ADAM12: variants seen among roughly 807,000 people sequenced by gnomAD.
The protein encoded by ADAM12 is ADAM metallopeptidase domain 12, also known as disintegrin and metalloproteinase domain-containing protein 12.
In ADAM12, 70 loss-of-function variants were observed where a neutral mutation model predicts 106.4. The ratio of observed to expected loss-of-function variants is 0.66; its 90% CI spans 0.54 to 0.80. The LOEUF is 0.80. Among genes scored for constraint, ADAM12 ranks in the 30% least tolerant of loss-of-function variants. The pLI is 0.00. For missense variants in ADAM12, 1,010 were observed against 1,171.9 expected, an observed-to-expected ratio of 0.86 and a Z score of 2.02; for synonymous variants, 420 against 433.5, an observed-to-expected ratio of 0.97 and a Z score of 0.39.
intron 3 of ADAM12, chr10:126,272,693 G>C (rs530107654): frequency 4.2e-4 from 66 of 156,836 alleles, no homozygotes; most frequent in Non-Finnish European, 7.4e-4. Context: ...CTTCAGGGAG[G>C]GGGTGTGATG....
Position 126,064,802 on chromosome 10 carries a change from G to T in ADAM12, c.1609+4C>A. ...CTGATGCCGAGCTTGTGGCGGCCAC[G>T]TACCTGGTCCCCAGAGCGTGACACA... On this transcript the variant is annotated splice_donor_region_variant and intron_variant, in intron 14 of 22. Transcript: ENST00000448723. The surrounding 1 kb of genome is among the most constrained non-coding windows in gnomAD (Gnocchi z 4.4). 6.3e-7 allele frequency: 1 copy of T among 1,599,114 alleles called. No individual in the cohort carries two copies.
chr10:126,326,501 C>T (rs34714550), intron 2 of ADAM12, among the ~76,000 whole-genome samples: 2 of 152,148 alleles, frequency 1.3e-5, no homozygotes, highest in African/African-American at 4.8e-5. Flanking sequence ...AACAAACTTT[C>T]CCTTCAAAGT....
chr10:126,368,380 A>G (rs1855991804), intron 1 of ADAM12, among the ~76,000 whole-genome samples: 1 of 149,092 alleles, frequency 6.7e-6, no homozygotes. Flanking sequence ...TTTTTTTACA[A>G]AGGACTGAAG....
intron 2 of ADAM12, among the ~76,000 whole-genome samples, chr10:126,308,080 T>G (rs1960927343): frequency 6.6e-6 from 1 of 152,194 alleles, no homozygotes; most frequent in Admixed American, 6.5e-5. Context: ...AGGGTTGGGC[T>G]GCACTTCTAG....
intron 11 of ADAM12, among the ~76,000 whole-genome samples, chr10:126,090,545 C>T (rs1219545484): frequency 6.6e-6 from 1 of 152,190 alleles, no homozygotes; most frequent in Non-Finnish European, 1.5e-5. Flanking sequence ...TAAACTCCCA[C>T]ATGAATCCCC....
intron 3 of ADAM12, among the ~76,000 whole-genome samples, chr10:126,266,562 C>A (rs560949049): frequency 6.6e-6 from 1 of 152,308 alleles, no homozygotes; most frequent in East Asian, 1.9e-4. Context: ...CAGTGTCAAG[C>A]ACACTGAATA....
intron 2 of ADAM12, among the ~76,000 whole-genome samples, chr10:126,309,129 C>T (rs758641054): frequency 5.3e-5 from 8 of 152,186 alleles, no homozygotes; most frequent in African/African-American, 7.2e-5. Context: ...GGCCAATCAC[C>T]GTATTCTACA....
In ADAM12 at chr10:126,021,905, A is replaced by G. The variant is rs113745153; in HGVS notation, c.2530-2080T>C. ...CCAACAAACTTTGGATAATTAACTAAGGTAACAAATCAAGCTCCCCTTCCT... is the reference window on the plus strand; with the variant it reads ...CCAACAAACTTTGGATAATTAACTAGGGTAACAAATCAAGCTCCCCTTCCT... On this transcript the variant is annotated intron_variant, in intron 21 of 22. Transcript: ENST00000448723. Among the ~76,000 whole-genome samples the G allele has an allele frequency of 3.4e-3, 519 of 152,352 alleles. 2 individuals carry two copies. Among genetic ancestry groups the G allele is most frequent in the African/African-American group, 0.012 (490 of 41,586 alleles).
At position 126,036,189 on chromosome 10, in the gene ADAM12, G is replaced by C. The variant is rs2133398470; in HGVS notation, c.2486C>G (p.Pro829Arg). ...AGGCTTGGCTGGCAGGGGTCTGGCA[G>C]GGACGCTAGGTGCACGTGGAGCCCG... ...LHRAPRAPSV[P>R]ARPLPAKPAL... is the part of the protein sequence containing the mutation. Residue 829 changes from proline (P) to arginine (R), a missense_variant, in exon 21 of 23, where the codon CCT becomes CGT. Physicochemically the swap from Pro to Arg is moderately radical, Grantham distance 103. This residue lies in a region of ADAM12 where 615 missense variants were observed against 708.5 expected (regional missense o/e 0.87). Transcript: ENST00000448723. The C allele has an allele frequency of 3.3e-6, 5 of 1,533,098 alleles. No individual in the cohort carries two copies. Among genetic ancestry groups the C allele is most frequent in the East Asian group, 2.6e-5 (1 of 38,890 alleles). 95.0% of individuals were successfully genotyped at this position (1,533,098 alleles called of 1,614,324 possible). A position where few individuals can be genotyped will look rare whatever the true frequency, so the allele number is the denominator to read the frequency against.
chr10:126,164,723 C>T (rs1590540077), intron 3 of ADAM12, among the ~76,000 whole-genome samples: 1 of 152,172 alleles, frequency 6.6e-6, no homozygotes, highest in South Asian at 2.1e-4. Flanking sequence ...CAGACCGGAC[C>T]CTGCATCCTC....
chr10:126,288,501 A>C (rs1041699285), intron 2 of ADAM12, among the ~76,000 whole-genome samples: 3 of 152,212 alleles, frequency 2.0e-5, no homozygotes, highest in African/African-American at 7.2e-5. Context: ...ACTTTTGATA[A>C]AATCTGAATC....
chr10:126,057,605 G>A (rs1439583226), intron 14 of ADAM12, among the ~76,000 whole-genome samples: 1 of 152,186 alleles, frequency 6.6e-6, no homozygotes. Context: ...TCCAATGTTA[G>A]GTTGTAGGAT....
chr10:126,101,203 G>A lies in ADAM12; in HGVS notation c.780C>T (p.Gly260=), dbSNP rs775437377. ...RPLNIRIVLV[G]VEVWNDMDKC... Reference sequence around the variant, plus strand: ...TGTCCATGTCATTCCACACTTCCACGCCTACCAACACGATCCGAATGTTCA... The same window carrying A: ...TGTCCATGTCATTCCACACTTCCACACCTACCAACACGATCCGAATGTTCA... The change falls in exon 9 of 23, where the codon GGC becomes GGT. Residue 260 remains glycine (G), a synonymous_variant. Coordinates refer to ENST00000448723, the MANE Select transcript of ADAM12 (RefSeq NM_001288973.2). 14 of 1,614,004 alleles carry A rather than the reference G, an allele frequency of 8.7e-6. No individual in the cohort carries two copies. Among genetic ancestry groups the A allele is most frequent in the South Asian group, 6.6e-5 (6 of 91,074 alleles).
In ADAM12 at chr10:126,337,415, G is replaced by A. The variant is rs150832419; in HGVS notation, c.89-6906C>T. ...CTGGTGCAAGTCCCAGAGTCCAAAG[G>A]TCAAAGAACCTGGAGTCTGATGTCC... On this transcript the variant is annotated intron_variant, in intron 1 of 22. Coordinates refer to ENST00000448723, the MANE Select transcript of ADAM12 (RefSeq NM_001288973.2). Among the ~76,000 whole-genome samples, 1,014 of 152,274 alleles carry A rather than the reference G, an allele frequency of 6.7e-3. 6 individuals are homozygous for A. The highest frequency in any genetic ancestry group is 0.02 in the Middle Eastern group (6 of 294).
chr10:126,254,468 A>C (rs1165522213), intron 3 of ADAM12, among the ~76,000 whole-genome samples: 2 of 152,196 alleles, frequency 1.3e-5, no homozygotes, highest in Non-Finnish European at 2.9e-5. Flanking sequence ...GCAACTGACA[A>C]CACTTCCTTC....
At chr10:126,285,087 A>T in intron 2 of ADAM12, among the ~76,000 whole-genome samples, 1 of 152,212 alleles carries the variant, frequency 6.6e-6, no homozygotes, top group East Asian at 1.9e-4. Flanking sequence ...AGGAGCCGGT[A>T]GGTGCTGGCC....
rs532710905 is a variant in ADAM12, at chr10:126,162,412, C to T, written c.261-7107G>A. 5.9e-5 allele frequency among the ~76,000 whole-genome samples: 9 copies of T among 152,234 alleles called. No homozygotes were observed. The South Asian group carries it at 8.3e-4, about 14-fold the overall frequency. On this transcript the variant is annotated intron_variant, in intron 3 of 22. Transcript: ENST00000448723. ...CGCGCAGAGGGGAGGGGAAATGACA[C>T]GGATGCCAGGTGGTCAGGGCGCAGG...
At chr10:126,250,054 G>T (rs1014749835) in intron 3 of ADAM12, among the ~76,000 whole-genome samples, 1 of 152,156 alleles carries the variant, frequency 6.6e-6, no homozygotes, top group Non-Finnish European at 1.5e-5. Context: ...TCTGGTGCAT[G>T]GCTAGATTCC....
At chr10:126,054,072 A>AT (rs1187067996) in intron 14 of ADAM12, among the ~76,000 whole-genome samples, 1 of 151,948 alleles carries the variant, frequency 6.6e-6, no homozygotes, top group Non-Finnish European at 1.5e-5. Flanking sequence ...AGATGCTGAC[A>AT]TTTTTTCTTC....
Sources: allele counts gnomAD v4.1 joint callset (sites outside exome capture counted in the v4.1 genomes callset), GRCh38; gene constraint gnomAD v4.1.1; regional missense constraint gnomAD v4.1.1; non-coding constraint Gnocchi (gnomAD v3.1); transcripts MANE v1.5; gene names NCBI Gene and HGNC (gene_info 2026-07-23, HGNC 2026-07-21).